Variants in CPED1 observed in about 807,000 individuals in gnomAD.
CPED1 encodes the protein cadherin like and PC-esterase domain containing 1.
Under a neutral mutation model 128.2 loss-of-function variants are expected in CPED1, and 114 were observed. The observed-to-expected ratio is 0.89, with a 90% confidence interval of 0.76 to 1.04. The LOEUF (loss-of-function observed/expected upper bound fraction) is 1.04. Among genes scored for constraint, CPED1 ranks in the 50% least tolerant of loss-of-function variants. The pLI, the probability that CPED1 is intolerant of heterozygous loss-of-function variation, is 0.00. For synonymous variants in CPED1, 462 were observed against 426.7 expected, an observed-to-expected ratio of 1.08 and a Z score of -1.02; for missense variants, 1,211 against 1,207.1, an observed-to-expected ratio of 1.00 and a Z score of -0.05.
At chr7:121,287,563 C>T (rs910549901) in intron 22 of CPED1, among the ~76,000 whole-genome samples, 1 of 152,174 alleles carries the variant, frequency 6.6e-6, no homozygotes, top group Non-Finnish European at 1.5e-5. Flanking sequence ...TGATTGTAGA[C>T]TCTATTCATA....
At chr7:121,288,716 A>G (rs1379841171) in intron 22 of CPED1, among the ~76,000 whole-genome samples, 9 of 152,234 alleles carry the variant, frequency 5.9e-5, no homozygotes, top group Admixed American at 5.9e-4. Context: ...TGTTTAAAGA[A>G]CTATAAACTT....
At chr7:121,149,377 A>G (rs1796099424) in intron 16 of CPED1, among the ~76,000 whole-genome samples, 1 of 152,204 alleles carries the variant, frequency 6.6e-6, no homozygotes, top group African/African-American at 2.4e-5. Flanking sequence ...GATCTGTTTC[A>G]GCACTTATAT....
chr7:121,022,701 T>C (rs1792474335), intron 3 of CPED1, among the ~76,000 whole-genome samples: 1 of 152,102 alleles, frequency 6.6e-6, no homozygotes, highest in African/African-American at 2.4e-5. Context: ...TGCCTAAGGA[T>C]GCTCTCTGGT....
At chr7:121,051,580 T>C (rs1793355991) in intron 4 of CPED1, 1 of 370,802 alleles carries the variant, frequency 2.7e-6, no homozygotes, top group African/African-American at 2.2e-5. Context: ...GTCTTGAACA[T>C]TTTAAATTAC....
chr7:121,088,576 A>G (rs1339955814), intron 5 of CPED1, among the ~76,000 whole-genome samples: 2 of 151,152 alleles, frequency 1.3e-5, no homozygotes, highest in African/African-American at 4.9e-5. Context: ...GGAGAATCGC[A>G]TGAATCCGGG....
intron 16 of CPED1, among the ~76,000 whole-genome samples, chr7:121,222,170 A>G (rs981932028): frequency 2.0e-5 from 3 of 152,196 alleles, no homozygotes; most frequent in African/African-American, 2.4e-5. Context: ...AGCTTTCTAC[A>G]TGTAGCTAGC....
chr7:121,052,879 A>G lies in CPED1; in HGVS notation c.540+5886A>G, dbSNP rs552758371. ...TGGGATTACAGGCATGCATCACCAC[A>G]CCTAATTTTTTTTATTTTTAGTAGA... On this transcript the variant is annotated intron_variant, in intron 4 of 22. Transcript: ENST00000310396. Among the ~76,000 whole-genome samples the G allele has an allele frequency of 2.4e-4, 36 of 151,750 alleles. 1 individual carries two copies. In the East Asian group the frequency reaches 6.8e-3, roughly 29 times the overall value.
intron 16 of CPED1, among the ~76,000 whole-genome samples, chr7:121,188,813 A>G (rs1472934914): frequency 6.6e-6 from 1 of 152,148 alleles, no homozygotes; most frequent in African/African-American, 2.4e-5. Context: ...TCTCATCTCA[A>G]GTGTGATTGA....
chr7:121,228,562 A>C (rs1584614583), intron 16 of CPED1, among the ~76,000 whole-genome samples: 1 of 138,390 alleles, frequency 7.2e-6, no homozygotes, highest in African/African-American at 2.7e-5. Flanking sequence ...TACTGCTACT[A>C]TGGACAATGA....
chr7:121,210,192 C>A (rs911656324), intron 16 of CPED1, among the ~76,000 whole-genome samples: 2 of 151,812 alleles, frequency 1.3e-5, no homozygotes, highest in East Asian at 3.9e-4. Flanking sequence ...GAAAGGAGAA[C>A]CTTATATGCT....
intron 22 of CPED1, among the ~76,000 whole-genome samples, chr7:121,282,063 T>C (rs1792474633): frequency 6.6e-6 from 1 of 152,202 alleles, no homozygotes; most frequent in Non-Finnish European, 1.5e-5. Context: ...CACATGTATG[T>C]ATTATTAACC....
intron 3 of CPED1, among the ~76,000 whole-genome samples, chr7:121,042,388 A>T (rs1793082207): frequency 6.6e-6 from 1 of 152,172 alleles, no homozygotes; most frequent in Non-Finnish European, 1.5e-5. Context: ...GATGTACCAG[A>T]CAGTGAGAGA....
chr7:121,097,974 A>G, intron 6 of CPED1, 143 bp downstream of exon 6: 1 of 757,882 alleles, frequency 1.3e-6, no homozygotes, highest in Admixed American at 3.3e-5. Flanking sequence ...TCCTTTTTAA[A>G]TAAAGAATGC....
intron 11 of CPED1, among the ~76,000 whole-genome samples, chr7:121,129,287 G>GTATATATATATATATACACGTATA (rs1795589191): frequency 1.5e-4 from 8 of 52,018 alleles, no homozygotes; most frequent in East Asian, 1.5e-3. Context: ...GTGTATATAT[G>GTATATATATATATATACACGTATA]TATATATATA....
intron 16 of CPED1, among the ~76,000 whole-genome samples, chr7:121,153,643 AT>A (rs1297854418): frequency 6.6e-6 from 1 of 152,192 alleles, no homozygotes; most frequent in Admixed American, 6.5e-5. Context: ...AGCAGAAACC[AT>A]TTTTGAACCC....
In CPED1 at chr7:121,283,758, C is replaced by T. The variant is rs115192571; in HGVS notation, c.2869-11682C>T. Among the ~76,000 whole-genome samples, 567 of 152,274 alleles carry T rather than the reference C, an allele frequency of 3.7e-3. 3 individuals are homozygous for T. The highest frequency in any genetic ancestry group is 4.9e-3 in the Non-Finnish European group (334 of 68,008). ...TGTCTAAGAGCACACATGCTGCAGC[C>T]GCCCCAGGCACTAATCATGGTGACT... On this transcript the variant is annotated intron_variant, in intron 22 of 22. Transcript: ENST00000310396.
intron 16 of CPED1, among the ~76,000 whole-genome samples, chr7:121,167,975 C>T (rs1796572027): frequency 6.6e-6 from 1 of 151,954 alleles, no homozygotes; most frequent in South Asian, 2.1e-4. Context: ...CCTCGTGATC[C>T]GCCCGCCTCG....
At chr7:121,148,504 T>C (rs1325765409) in intron 16 of CPED1, among the ~76,000 whole-genome samples, 1 of 152,212 alleles carries the variant, frequency 6.6e-6, no homozygotes, top group Non-Finnish European at 1.5e-5. Flanking sequence ...AGAAATCTTG[T>C]CAACCCTTTC....
intron 11 of CPED1, 63 bp downstream of exon 11, chr7:121,128,549 C>A: frequency 4.7e-6 from 4 of 844,038 alleles, no homozygotes; most frequent in Non-Finnish European, 8.1e-6. Context: ...TCACTGTAAG[C>A]TACCTGATTT....
Sources: gnomAD v4.1 joint callset for allele counts (sites outside exome capture counted in the v4.1 genomes callset) on GRCh38, gnomAD v4.1.1 for gene constraint, MANE v1.5 for transcripts, NCBI Gene and HGNC (gene_info 2026-07-23, HGNC 2026-07-21) for gene names.